Variants in TGIF1 observed in about 807,000 individuals in gnomAD.
TGIF1 encodes TGFB induced factor homeobox 1.
In TGIF1, 4 loss-of-function variants were observed where a neutral mutation model predicts 19.3. The ratio of observed to expected loss-of-function variants is 0.21; its 90% CI spans 0.10 to 0.47. The LOEUF (loss-of-function observed/expected upper bound fraction) is 0.47. TGIF1 is among the 20% of genes least tolerant of loss of function. The pLI is 0.98. For synonymous variants in TGIF1, 122 were observed against 129.3 expected (o/e 0.94, Z 0.38); for missense variants, 275 against 341.4 (o/e 0.81, Z 1.53).
rs1348596934 is a variant in TGIF1, at chr18:3,458,000, A to G, written c.*60A>G. The stretch of plus-strand genomic sequence containing the variant: ...ATGATTGCCGGGGTGAAGGCAAGAG[A>G]TGAATTGCATTATTTTATATATTTT... On this transcript the variant is annotated 3_prime_UTR_variant, in exon 3 of 3. Transcript: ENST00000343820. This position sits in a 1 kb window ranked among gnomAD's most constrained non-coding sequence, Gnocchi z 4.9. 13 of 1,428,460 alleles carry G rather than the reference A, an allele frequency of 9.1e-6. No homozygotes were observed. The highest frequency in any genetic ancestry group is 1.8e-4 in the Middle Eastern group (1 of 5,676). 88.5% of individuals were successfully genotyped at this position (1,428,460 alleles called of 1,614,324 possible).
chr18:3,441,897 TA>T (rs1182549283), intron 2 of TGIF1, among the ~76,000 whole-genome samples: 2 of 152,252 alleles, frequency 1.3e-5, no homozygotes, highest in Non-Finnish European at 2.9e-5. Flanking sequence ...AAATATGCTT[TA>T]ATATTTGGAA....
chr18:3,450,286 G>A lies in TGIF1; in HGVS notation c.-204G>A. 3 of 1,437,776 alleles carry A rather than the reference G, an allele frequency of 2.1e-6. No homozygotes were observed. Among genetic ancestry groups the A allele is most frequent in the Non-Finnish European group, 2.7e-6 (3 of 1,097,876 alleles). 89.1% of individuals were successfully genotyped at this position (1,437,776 alleles called of 1,614,324 possible). A position where few individuals can be genotyped will look rare whatever the true frequency, so the allele number is the denominator to read the frequency against. On this transcript the variant is annotated 5_prime_UTR_variant, in exon 1 of 3. Coordinates refer to ENST00000343820, the MANE Select transcript of TGIF1 (RefSeq NM_003244.4). ...GGCCGGCTGCCAGAAGATCCCGGCG[G>A]GAGGAAGCCCAAGTGTCACTTGAAT... is the stretch of plus-strand genomic sequence containing the variant.
At chr18:3,438,901 A>G (rs2082648910) in intron 2 of TGIF1, among the ~76,000 whole-genome samples, 1 of 152,218 alleles carries the variant, frequency 6.6e-6, no homozygotes, top group African/African-American at 2.4e-5. Context: ...ATCTAAAAAT[A>G]AAATGGAATT....
upstream of TGIF1, among the ~76,000 whole-genome samples, chr18:3,448,781 T>C (rs974422192): frequency 7.2e-6 from 1 of 139,706 alleles, no homozygotes; most frequent in East Asian, 2.2e-4. Context: ...AAACAGACGC[T>C]CCGAAGTCGA....
intron 2 of TGIF1, among the ~76,000 whole-genome samples, chr18:3,440,879 C>T (rs1218733403): frequency 6.6e-6 from 1 of 152,200 alleles, no homozygotes; most frequent in Non-Finnish European, 1.5e-5. Context: ...AATCTTTCTA[C>T]ACTTATCCTT....
At chr18:3,439,439 G>T (rs984115628) in intron 2 of TGIF1, among the ~76,000 whole-genome samples, 2 of 151,624 alleles carry the variant, frequency 1.3e-5, no homozygotes, top group East Asian at 3.9e-4. Flanking sequence ...CTCCTCCCAG[G>T]TTCAAGCGAT....
intron 1 of TGIF1, among the ~76,000 whole-genome samples, chr18:3,452,673 C>G (rs1015144624): frequency 1.3e-5 from 2 of 152,158 alleles, no homozygotes; most frequent in East Asian, 3.9e-4. Flanking sequence ...CCCTCCCTCT[C>G]CCCGTGCTCC....
At chr18:3,445,400 T>C (rs1049174978), upstream of TGIF1, among the ~76,000 whole-genome samples, 2 of 152,124 alleles carry the variant, frequency 1.3e-5, no homozygotes, top group African/African-American at 4.8e-5. Flanking sequence ...TCTCTCTTGC[T>C]TGAATTTTCA....
At position 3,456,819 on chromosome 18, in the gene TGIF1, A is replaced by C; in HGVS notation, c.243+239A>C. 1 of 632,570 alleles carries C rather than the reference A, an allele frequency of 1.6e-6. No individual in the cohort carries two copies. Among genetic ancestry groups the C allele is most frequent in the Non-Finnish European group, 2.8e-6 (1 of 356,664 alleles). 39.2% of individuals were successfully genotyped at this position (632,570 alleles called of 1,614,324 possible). On this transcript the variant is annotated intron_variant, in intron 2 of 2. Transcript: ENST00000343820. This position sits in a 1 kb window ranked among gnomAD's most constrained non-coding sequence, Gnocchi z 4.2. ...TGCCTAAAAGAACCTTCCTTTATGCAACAGACATTAAAAGGAGGTTAAACC... is the reference window on the plus strand; with the variant it reads ...TGCCTAAAAGAACCTTCCTTTATGCCACAGACATTAAAAGGAGGTTAAACC...
chr18:3,421,991 C>A (rs192480877), intron 2 of TGIF1, among the ~76,000 whole-genome samples: 1 of 151,688 alleles, frequency 6.6e-6, no homozygotes, highest in Non-Finnish European at 1.5e-5. Flanking sequence ...GTCAGGAGTT[C>A]GAGACTAGCC....
intron 1 of TGIF1, among the ~76,000 whole-genome samples, chr18:3,416,524 AAAG>A (rs1276044654): frequency 6.6e-6 from 1 of 152,102 alleles, no homozygotes; most frequent in Non-Finnish European, 1.5e-5. Flanking sequence ...TCAAAAAAAC[AAAG>A]AAAAGCATTT....
At chr18:3,435,504 C>A (rs1031303378) in intron 2 of TGIF1, among the ~76,000 whole-genome samples, 7 of 152,068 alleles carry the variant, frequency 4.6e-5, no homozygotes, top group Non-Finnish European at 8.8e-5. Flanking sequence ...GGCCTTAAAA[C>A]CCTATTAACC....
Position 3,456,050 on chromosome 18 carries a change from T to A in TGIF1, c.17-304T>A. 2.3e-6 allele frequency: 1 copy of A among 426,848 alleles called. No individual in the cohort carries two copies. Among genetic ancestry groups the A allele is most frequent in the Non-Finnish European group, 4.4e-6 (1 of 227,810 alleles). The allele number at this position is 426,848 out of a possible 1,614,324, so 26.4% of individuals were successfully genotyped here. On this transcript the variant is annotated intron_variant, in intron 1 of 2. Transcript: ENST00000343820. This position sits in a 1 kb window ranked among gnomAD's most constrained non-coding sequence, Gnocchi z 4.2. Reference sequence around the variant, plus strand: ...GGTTATTCATTTTGGGTGCAGTTTGTCTCCTCCAATGATTAGACGAAAGAG... The same window carrying A: ...GGTTATTCATTTTGGGTGCAGTTTGACTCCTCCAATGATTAGACGAAAGAG...
Position 3,456,271 on chromosome 18 carries a change from A to G in TGIF1, c.17-83A>G, listed in dbSNP as rs1451366508. 2.3e-6 allele frequency: 3 copies of G among 1,283,312 alleles called. No individual in the cohort carries two copies. Among genetic ancestry groups the G allele is most frequent in the Non-Finnish European group, 3.4e-6 (3 of 880,752 alleles). The allele number at this position is 1,283,312 out of a possible 1,614,324, so 79.5% of individuals were successfully genotyped here. On this transcript the variant is annotated intron_variant, in intron 1 of 2. Transcript: ENST00000343820. The surrounding 1 kb of genome is among the most constrained non-coding windows in gnomAD (Gnocchi z 4.2). ...TCAGTTGTTGGGAAAGCATGGTTAC[A>G]TTGAATGGTCAGCGTTAAGTGAGCT...
chr18:3,424,305 C>G (rs1489936214), intron 2 of TGIF1, among the ~76,000 whole-genome samples: 3 of 151,840 alleles, frequency 2.0e-5, no homozygotes, highest in Non-Finnish European at 2.9e-5. Flanking sequence ...ATATCTCACA[C>G]GAGAGTGTGA....
intron 2 of TGIF1, among the ~76,000 whole-genome samples, chr18:3,432,534 C>T (rs561894037): frequency 6.6e-6 from 1 of 152,202 alleles, no homozygotes; most frequent in South Asian, 2.1e-4. Context: ...AGAGAATGTC[C>T]TTGTTCTCAG....
At chr18:3,417,023 C>A (rs2082341583) in intron 1 of TGIF1, among the ~76,000 whole-genome samples, 1 of 152,086 alleles carries the variant, frequency 6.6e-6, no homozygotes, top group South Asian at 2.1e-4. Context: ...CGGAATTTAT[C>A]ATAAGTAAAT....
chr18:3,434,694 G>A (rs866976715), intron 2 of TGIF1, among the ~76,000 whole-genome samples: 10 of 152,166 alleles, frequency 6.6e-5, no homozygotes, highest in African/African-American at 2.4e-4. Flanking sequence ...CAGTCTGGGC[G>A]ACAGAGTGAG....
intron 2 of TGIF1, among the ~76,000 whole-genome samples, chr18:3,429,027 T>C (rs909683911): frequency 8.5e-5 from 13 of 152,100 alleles, no homozygotes; most frequent in African/African-American, 2.4e-4. Flanking sequence ...CACTCCAGCC[T>C]GGGTGACAGA....
Sources: gnomAD v4.1 joint callset for allele counts (sites outside exome capture counted in the v4.1 genomes callset) on GRCh38, gnomAD v4.1.1 for gene constraint, Gnocchi (gnomAD v3.1) non-coding constraint, MANE v1.5 for transcripts, NCBI Gene and HGNC (gene_info 2026-07-23, HGNC 2026-07-21) for gene names.